USP31: variants seen among roughly 807,000 people sequenced by gnomAD.
USP31 encodes ubiquitin specific peptidase 31, also known as ubiquitin carboxyl-terminal hydrolase 31.
A neutral mutation model predicts 119.4 loss-of-function variants in USP31; 44 were observed. The ratio of observed to expected loss-of-function variants is 0.37; its 90% CI spans 0.29 to 0.47. The LOEUF (loss-of-function observed/expected upper bound fraction) is 0.47, where lower values mean the gene tolerates loss of function less well. Among genes scored for constraint, USP31 ranks in the 20% least tolerant of loss-of-function variants. The pLI is 0.99. For synonymous variants in USP31, 749 were observed against 705.6 expected, an observed-to-expected ratio of 1.06 and a Z score of -0.97; for missense variants, 1,643 against 1,730.2, an observed-to-expected ratio of 0.95 and a Z score of 0.89.
chr16:23,110,437 G>C (rs941038935), intron 1 of USP31, among the ~76,000 whole-genome samples: 2 of 152,172 alleles, frequency 1.3e-5, no homozygotes, highest in Admixed American at 6.5e-5. Context: ...CACCTTCAAG[G>C]AAGACCAACA....
intron 11 of USP31, 93 bp from the exon 12 acceptor site, chr16:23,082,650 CAAAATCTCTCTGT>C: frequency 6.5e-7 from 1 of 1,545,566 alleles, no homozygotes; most frequent in Non-Finnish European, 8.8e-7. Flanking sequence ...TGGTGCAACT[CAAAATCTCTCTGT>C]AAACCGCAGA....
At position 23,143,936 on chromosome 16, in the gene USP31, C is replaced by A. The variant is rs912308301; in HGVS notation, c.633+4702G>T. ...AGTGCCCGTGTTGAAAACCAGTGCTCTAAGAGTAGGAAACAAACAAACAAA... is the reference window on the plus strand; with the variant it reads ...AGTGCCCGTGTTGAAAACCAGTGCTATAAGAGTAGGAAACAAACAAACAAA... On this transcript the variant is annotated intron_variant, in intron 1 of 15. Coordinates refer to ENST00000219689, the MANE Select transcript of USP31 (RefSeq NM_020718.4). 2.0e-5 allele frequency among the ~76,000 whole-genome samples: 3 copies of A among 151,990 alleles called. No individual in the cohort carries two copies. In the South Asian group the frequency reaches 6.2e-4, roughly 31 times the overall value.
chr16:23,115,074 G>A (rs1014324937), intron 1 of USP31, among the ~76,000 whole-genome samples: 40 of 152,248 alleles, frequency 2.6e-4, no homozygotes, highest in African/African-American at 8.9e-4. Context: ...CCTGTGATTC[G>A]AATCCTGGTT....
intron 2 of USP31, 152 bp from the exon 3 acceptor site, chr16:23,106,639 G>C: frequency 2.7e-6 from 2 of 745,128 alleles, no homozygotes; most frequent in Non-Finnish European, 4.3e-6. Flanking sequence ...AAAGGAGCCA[G>C]AACACAGCAG....
In USP31 at chr16:23,087,715, C is replaced by A; in HGVS notation, c.1527+9G>T. On this transcript the variant is annotated intron_variant, in intron 8 of 15. Transcript: ENST00000219689. Reference sequence around the variant, plus strand: ...CATGCTATGCTGGAATATCAAAATGCTTACAAACCTGAATGCAAACCGTGG... The same window carrying A: ...CATGCTATGCTGGAATATCAAAATGATTACAAACCTGAATGCAAACCGTGG... 6.2e-7 allele frequency: 1 copy of A among 1,612,756 alleles called. No homozygotes were observed. Among genetic ancestry groups the A allele is most frequent in the Non-Finnish European group, 8.5e-7 (1 of 1,178,858 alleles).
rs1452000958 is a variant in USP31, at chr16:23,068,895, G to A, written c.3210C>T (p.Pro1070=). Residue 1070 remains proline (P), a synonymous_variant, in exon 16 of 16, where the codon CCC becomes CCT. Transcript: ENST00000219689. ...SPLPVKVSLK[P]SRSRSKADSS... ...AATCTGCTTTGCTGCGGGAGCGGGAGGGCTTTAGAGAGACTTTTACAGGAA... is the reference window on the plus strand; with the variant it reads ...AATCTGCTTTGCTGCGGGAGCGGGAAGGCTTTAGAGAGACTTTTACAGGAA... 1.2e-6 allele frequency: 2 copies of A among 1,605,638 alleles called. No homozygotes were observed. The highest frequency in any genetic ancestry group is 3.4e-5 in the Admixed American group (2 of 58,910).
chr16:23,144,440 G>A (rs1011072038), intron 1 of USP31, among the ~76,000 whole-genome samples: 1 of 152,032 alleles, frequency 6.6e-6, no homozygotes, highest in Non-Finnish European at 1.5e-5. Flanking sequence ...AGCACAGTGA[G>A]GTATGCCTCA....
chr16:23,106,617 C>T (rs1378373859), intron 2 of USP31, 130 bp from the exon 3 acceptor site: 44 of 902,436 alleles, frequency 4.9e-5, no homozygotes, highest in African/African-American at 5.1e-5. Flanking sequence ...ACTTCAGTGA[C>T]GGGCACCTGC....
Position 23,064,248 on chromosome 16 carries a change from T to C in USP31, c.*3798A>G, listed in dbSNP as rs1899976895. Reference sequence around the variant, plus strand: ...CTACATTGGAAACAATCACTTCGGCTGTTCAGTAATTTGTCCGAATGAAAT... The same window carrying C: ...CTACATTGGAAACAATCACTTCGGCCGTTCAGTAATTTGTCCGAATGAAAT... On this transcript the variant is annotated 3_prime_UTR_variant, in exon 16 of 16. Transcript: ENST00000219689. 1 of 152,628 alleles carries C rather than the reference T, an allele frequency of 6.6e-6. No homozygotes were observed. Among genetic ancestry groups the C allele is most frequent in the Non-Finnish European group, 1.5e-5 (1 of 68,042 alleles). 9.5% of individuals were successfully genotyped at this position (152,628 alleles called of 1,614,324 possible).
chr16:23,094,060 G>T lies in USP31; in HGVS notation c.1235-3256C>A, dbSNP rs142764778. 8.2e-4 allele frequency among the ~76,000 whole-genome samples: 125 copies of T among 152,336 alleles called. 1 individual carries two copies. Among genetic ancestry groups the T allele is most frequent in the African/African-American group, 2.8e-3 (117 of 41,586 alleles). On this transcript the variant is annotated intron_variant, in intron 6 of 15. Coordinates refer to ENST00000219689, the MANE Select transcript of USP31 (RefSeq NM_020718.4). The stretch of plus-strand genomic sequence containing the variant: ...AGTGGGGTGTCGCCTCACCCGGGAA[G>T]CTCAAGGGGTCGGGGGATTTCCCTT...
chr16:23,070,652 T>C (rs911799549), intron 15 of USP31, among the ~76,000 whole-genome samples: 1 of 151,864 alleles, frequency 6.6e-6, no homozygotes, highest in Non-Finnish European at 1.5e-5. Context: ...AGGCGGAGCT[T>C]GCAGTGAGCC....
At chr16:23,124,818 G>A (rs1902794571) in intron 1 of USP31, among the ~76,000 whole-genome samples, 1 of 152,146 alleles carries the variant, frequency 6.6e-6, no homozygotes, top group Non-Finnish European at 1.5e-5. Context: ...GAACCCGGGA[G>A]GTGGAGGTTG....
intron 1 of USP31, among the ~76,000 whole-genome samples, chr16:23,118,294 C>G (rs1456805411): frequency 6.6e-6 from 1 of 152,108 alleles, no homozygotes; most frequent in South Asian, 2.1e-4. Flanking sequence ...AAGAATCACC[C>G]TATGATACTA....
At chr16:23,145,381 T>C (rs895255714) in intron 1 of USP31, among the ~76,000 whole-genome samples, 2 of 152,136 alleles carry the variant, frequency 1.3e-5, no homozygotes, top group African/African-American at 4.8e-5. Context: ...CTCAGGGAAC[T>C]TCCTAGATCC....
Position 23,102,572 on chromosome 16 carries a change from G to C in USP31, c.1090-109C>G, listed in dbSNP as rs976823908. On this transcript the variant is annotated intron_variant, in intron 5 of 15. Coordinates refer to ENST00000219689, the MANE Select transcript of USP31 (RefSeq NM_020718.4). ...CATCAGGACTGGCAGTGGTCTGAGA[G>C]ACATCTCGCAGAGCCCACTTTATTT... 1.2e-5 allele frequency: 16 copies of C among 1,300,244 alleles called. No individual in the cohort carries two copies. The East Asian group carries it at 1.2e-4, about 10-fold the overall frequency. The allele number at this position is 1,300,244 out of a possible 1,614,324, so 80.5% of individuals were successfully genotyped here.
intron 13 of USP31, among the ~76,000 whole-genome samples, chr16:23,077,453 A>G (rs2141835628): frequency 6.6e-6 from 1 of 152,342 alleles, no homozygotes; most frequent in African/African-American, 2.4e-5. Context: ...AACAGTGAGT[A>G]TGAAAGGTAG....
intron 7 of USP31, among the ~76,000 whole-genome samples, chr16:23,089,416 G>T (rs1232734054): frequency 6.6e-6 from 1 of 152,176 alleles, no homozygotes; most frequent in Non-Finnish European, 1.5e-5. Context: ...GTCCTAGCTA[G>T]GATGGAAGCT....
At chr16:23,073,523 C>A (rs1056508278) in intron 14 of USP31, among the ~76,000 whole-genome samples, 199 bp downstream of exon 14, 2 of 152,186 alleles carry the variant, frequency 1.3e-5, no homozygotes, top group African/African-American at 4.8e-5. Context: ...CCAGTGAACT[C>A]CACTGGGCCA....
intron 6 of USP31, among the ~76,000 whole-genome samples, chr16:23,091,681 T>C (rs186571523): frequency 6.6e-6 from 1 of 152,264 alleles, no homozygotes; most frequent in East Asian, 1.9e-4. Context: ...CTCAACATTA[T>C]AACAATTTAA....
Sources: allele counts gnomAD v4.1 joint callset (sites outside exome capture counted in the v4.1 genomes callset), GRCh38; gene constraint gnomAD v4.1.1; transcripts MANE v1.5; gene names NCBI Gene and HGNC (gene_info 2026-07-23, HGNC 2026-07-21).